Variants in PAPOLG observed in about 807,000 individuals in gnomAD.
PAPOLG encodes PAP-gamma.
A neutral mutation model predicts 99.0 loss-of-function variants in PAPOLG; 40 were observed. The observed-to-expected ratio is 0.40, with a 90% confidence interval of 0.31 to 0.53. PAPOLG has a LOEUF of 0.53. PAPOLG is among the 20% of genes least tolerant of loss of function. The pLI, the probability that PAPOLG is intolerant of heterozygous loss-of-function variation, is 0.41. For synonymous variants in PAPOLG, 310 were observed against 299.3 expected (o/e 1.04, Z -0.37); for missense variants, 675 against 884.1 (o/e 0.76, Z 3.00).
Position 60,800,860 on chromosome 2 carries a change from T to G in PAPOLG, c.*3700T>G, listed in dbSNP as rs1671822165. The stretch of plus-strand genomic sequence containing the variant: ...TTATATAATTTTCTACTTTTGATTT[T>G]GCTGTGGTATATTTCTGAAAATGTG... On this transcript the variant is annotated 3_prime_UTR_variant, in exon 22 of 22. Coordinates refer to ENST00000238714, the MANE Select transcript of PAPOLG (RefSeq NM_022894.4). 1 of 152,352 alleles carries G rather than the reference T, an allele frequency of 6.6e-6. No homozygotes were observed. Among genetic ancestry groups the G allele is most frequent in the South Asian group, 2.1e-4 (1 of 4,830 alleles). 9.4% of individuals were successfully genotyped at this position (152,352 alleles called of 1,614,324 possible).
rs2103837723 is a variant in PAPOLG at position 60,799,316 on chromosome 2, T to C, written c.*2156T>C. The C allele has an allele frequency of 6.6e-6, 1 of 152,502 alleles. No homozygotes were observed. 9.4% of individuals were successfully genotyped at this position (152,502 alleles called of 1,614,324 possible). A position where few individuals can be genotyped will look rare whatever the true frequency, so the allele number is the denominator to read the frequency against. On this transcript the variant is annotated 3_prime_UTR_variant, in exon 22 of 22. Coordinates refer to ENST00000238714, the MANE Select transcript of PAPOLG (RefSeq NM_022894.4). The stretch of plus-strand genomic sequence containing the variant: ...ACAAGTCTAACCTTGTACTATAGGA[T>C]AGGCATTTATTTTAGATTAAGGAGC...
intron 7 of PAPOLG, 96 bp downstream of exon 7, chr2:60,771,726 G>T: frequency 7.5e-7 from 1 of 1,337,018 alleles, no homozygotes; most frequent in South Asian, 1.4e-5. Flanking sequence ...TTGGAGATTG[G>T]ACTCAGTTTA....
chr2:60,788,384 C>T (rs1044056510), intron 15 of PAPOLG, among the ~76,000 whole-genome samples: 10 of 152,062 alleles, frequency 6.6e-5, no homozygotes, highest in Admixed American at 5.2e-4. Context: ...TGCAGTGGTG[C>T]GATCTCAGCT....
rs976740456 is a variant in PAPOLG, at chr2:60,798,505, T to C, written c.*1345T>C. ...CTTAGTCTAATTTTTTAAATATGGA[T>C]TATGCTTGAATTACTATATTTAAAA... On this transcript the variant is annotated 3_prime_UTR_variant, in exon 22 of 22. Coordinates refer to ENST00000238714, the MANE Select transcript of PAPOLG (RefSeq NM_022894.4). 1 of 152,752 alleles carries C rather than the reference T, an allele frequency of 6.5e-6. No homozygotes were observed. Among genetic ancestry groups the C allele is most frequent in the African/African-American group, 2.4e-5 (1 of 41,456 alleles). The allele number at this position is 152,752 out of a possible 1,614,324, so 9.5% of individuals were successfully genotyped here.
chr2:60,759,367 CAAAAAAAA>C (rs71400294), intron 1 of PAPOLG, among the ~76,000 whole-genome samples: 3 of 138,416 alleles, frequency 2.2e-5, no homozygotes, highest in African/African-American at 8.1e-5. Context: ...GACTCCATCT[CAAAAAAAA>C]AAAGAAAAAA....
chr2:60,768,606 A>G, intron 4 of PAPOLG, 55 bp downstream of exon 4: 3 of 1,450,730 alleles, frequency 2.1e-6, no homozygotes, highest in Non-Finnish European at 2.9e-6. Flanking sequence ...AACTCTTCAT[A>G]ATTAGAAAAT....
At chr2:60,758,504 T>C (rs533495336) in intron 1 of PAPOLG, among the ~76,000 whole-genome samples, 2 of 150,064 alleles carry the variant, frequency 1.3e-5, no homozygotes, top group Non-Finnish European at 3.0e-5. Flanking sequence ...CTTGGTTCAC[T>C]GCAACCTTCG....
At chr2:60,779,593 A>T (rs1181663151) in intron 8 of PAPOLG, 44 bp from the exon 9 acceptor site, 1 of 1,553,614 alleles carries the variant, frequency 6.4e-7, no homozygotes, top group Non-Finnish European at 8.8e-7. Flanking sequence ...AATGTCACAG[A>T]TAGTAGGTCC....
At chr2:60,787,429 C>T in intron 14 of PAPOLG, 82 bp from the exon 15 acceptor site, 4 of 1,471,036 alleles carry the variant, frequency 2.7e-6, no homozygotes, top group Non-Finnish European at 3.6e-6. Context: ...ACATAGAGAC[C>T]AAGTTTTAAT....
intron 5 of PAPOLG, among the ~76,000 whole-genome samples, chr2:60,769,626 TGATA>T (rs1670787467): frequency 6.6e-6 from 1 of 152,206 alleles, no homozygotes; most frequent in Non-Finnish European, 1.5e-5. Flanking sequence ...ATTAAATTTT[TGATA>T]GATTAATCAT....
At chr2:60,765,386 TTC>T (rs1167745838) in intron 3 of PAPOLG, among the ~76,000 whole-genome samples, 4 of 141,432 alleles carry the variant, frequency 2.8e-5, no homozygotes, top group Non-Finnish European at 4.6e-5. Context: ...CAGCCTATAA[TTC>T]TCTTTTTTTT....
At chr2:60,795,224 C>G (rs1488420806) in intron 21 of PAPOLG, 2 of 657,984 alleles carry the variant, frequency 3.0e-6, no homozygotes, top group African/African-American at 3.6e-5. Context: ...AAAAAAGAGG[C>G]AGTAGTTTAA....
At chr2:60,782,059 A>G in intron 11 of PAPOLG, 54 bp downstream of exon 11, 8 of 1,544,118 alleles carry the variant, frequency 5.2e-6, no homozygotes, top group Non-Finnish European at 7.2e-6. Flanking sequence ...TTTGGTTAAC[A>G]GTTTTATTCT....
Position 60,801,869 on chromosome 2 carries a change from TAGAA to T in PAPOLG, c.*4712_*4715del, listed in dbSNP as rs1194865473. ...TGAACAAAGACCCACGTACTTATCT[TAGAA>T]AGTACTTAGGATATCTTTGAGATTA... On this transcript the variant is annotated 3_prime_UTR_variant, in exon 22 of 22. Coordinates refer to ENST00000238714, the MANE Select transcript of PAPOLG (RefSeq NM_022894.4). 3.3e-5 allele frequency: 5 copies of T among 150,818 alleles called. No homozygotes were observed. Among genetic ancestry groups the T allele is most frequent in the Non-Finnish European group, 7.4e-5 (5 of 67,230 alleles). 9.3% of individuals were successfully genotyped at this position (150,818 alleles called of 1,614,324 possible).
chr2:60,785,930 G>GT (rs1417255200), intron 13 of PAPOLG, among the ~76,000 whole-genome samples: 1 of 152,008 alleles, frequency 6.6e-6, no homozygotes, highest in Non-Finnish European at 1.5e-5. Context: ...AGCCATGACT[G>GT]TTTTATAGTC....
rs569201959 is a variant in PAPOLG, at chr2:60,787,370, C to T, written c.1287-141C>T. On this transcript the variant is annotated intron_variant, in intron 14 of 21. Transcript: ENST00000238714. ...GATAACTTACCAGTTCTGGATGTCA[C>T]TTTTAAGAATCTGGCCAGACCACTG... 3.1e-5 allele frequency: 35 copies of T among 1,127,690 alleles called. No individual in the cohort carries two copies. The East Asian group carries it at 8.8e-4, about 28-fold the overall frequency. 69.9% of individuals were successfully genotyped at this position (1,127,690 alleles called of 1,614,324 possible).
intron 11 of PAPOLG, 95 bp from the exon 12 acceptor site, chr2:60,782,591 T>A: frequency 7.4e-7 from 1 of 1,347,812 alleles, no homozygotes. Flanking sequence ...TCTGGTGGAG[T>A]TTGAGATTTT....
In PAPOLG at chr2:60,801,108, C is replaced by T. The variant is rs1002273830; in HGVS notation, c.*3948C>T. 1 of 152,210 alleles carries T rather than the reference C, an allele frequency of 6.6e-6. No individual in the cohort carries two copies. Among genetic ancestry groups the T allele is most frequent in the Non-Finnish European group, 1.5e-5 (1 of 67,994 alleles). 9.4% of individuals were successfully genotyped at this position (152,210 alleles called of 1,614,324 possible). A position where few individuals can be genotyped will look rare whatever the true frequency, so the allele number is the denominator to read the frequency against. ...TCACAGTACAATAGCTTAGAATGAT[C>T]ATTAGAAATGGTAGAAAATAGAATA... On this transcript the variant is annotated 3_prime_UTR_variant, in exon 22 of 22. Transcript: ENST00000238714.
Position 60,770,482 on chromosome 2 carries a change from G to T in PAPOLG, c.463G>T (p.Val155Phe). 1 of 1,596,822 alleles carries T rather than the reference G, an allele frequency of 6.3e-7. No individual in the cohort carries two copies. Among genetic ancestry groups the T allele is most frequent in the Non-Finnish European group, 8.5e-7 (1 of 1,169,972 alleles). Residue 155 changes from valine to phenylalanine, a missense_variant, in exon 6 of 22, where the codon GTT (valine) becomes TTT (phenylalanine). By Grantham distance (50) the Val-to-Phe change is conservative. This residue lies in a region of PAPOLG where 149 missense variants were observed against 192.1 expected (regional missense o/e 0.78). Coordinates refer to ENST00000238714, the MANE Select transcript of PAPOLG (RefSeq NM_022894.4). Reference protein sequence around the residue: ...LRAVEDAFVPVIKFEFDGIEI... With the variant: ...LRAVEDAFVPFIKFEFDGIEI... ...GGCTGTAGAAGATGCCTTTGTACCT[G>T]TTATAAAATTTGAATTTGATGGTAT...
Sources: gnomAD v4.1 joint callset for allele counts (sites outside exome capture counted in the v4.1 genomes callset) on GRCh38, gnomAD v4.1.1 for gene constraint, gnomAD v4.1.1 regional missense constraint, MANE v1.5 for transcripts, NCBI Gene and HGNC (gene_info 2026-07-23, HGNC 2026-07-21) for gene names.